Variants in RASA3 observed in about 807,000 individuals in gnomAD.
RASA3 encodes the protein ras GTPase-activating protein 3.
A neutral mutation model predicts 110.0 loss-of-function variants in RASA3; 73 were observed. The observed-to-expected ratio is 0.66, with a 90% confidence interval of 0.55 to 0.81. The LOEUF is 0.81. RASA3 is among the 30% of genes least tolerant of loss of function. The pLI is 0.00. For synonymous variants in RASA3, 500 were observed against 451.4 expected (o/e 1.11, Z -1.37); for missense variants, 976 against 1,113.2 (o/e 0.88, Z 1.75).
intron 1 of RASA3, 68 bp from the exon 2 acceptor site, chr13:114,073,905 A>T: frequency 7.5e-7 from 1 of 1,336,304 alleles, no homozygotes; most frequent in East Asian, 2.3e-5. Flanking sequence ...CATCGCAGAC[A>T]CGTTTCCAGC....
chr13:113,982,203 C>A (rs1005218169), intron 22 of RASA3, among the ~76,000 whole-genome samples: 3 of 152,238 alleles, frequency 2.0e-5, no homozygotes, highest in Admixed American at 6.5e-5. Context: ...CCAGCCCGCC[C>A]AGCCAGAACC....
Position 114,011,318 on chromosome 13 carries a change from G to T in RASA3, c.1513-70C>A. ...ATGCTGTGACTGTCCCAGATCGAGG[G>T]GACGAAATGCAGGAGTCACCTCAGA... On this transcript the variant is annotated intron_variant, in intron 15 of 23. Transcript: ENST00000334062. This position sits in a 1 kb window ranked among gnomAD's most constrained non-coding sequence, Gnocchi z 4.8. The T allele has an allele frequency of 7.4e-7, 1 of 1,357,066 alleles. No homozygotes were observed. Among genetic ancestry groups the T allele is most frequent in the Non-Finnish European group, 1.0e-6 (1 of 959,754 alleles). 84.1% of individuals were successfully genotyped at this position (1,357,066 alleles called of 1,614,324 possible).
At chr13:114,120,492 A>G (rs2080360714) in intron 1 of RASA3, among the ~76,000 whole-genome samples, 1 of 22,886 alleles carries the variant, frequency 4.4e-5, no homozygotes, top group South Asian at 2.7e-3. Context: ...CCAGGCGTCG[A>G]TCAGGGCCCC....
intron 22 of RASA3, among the ~76,000 whole-genome samples, chr13:113,992,095 C>A (rs774042098): frequency 1.3e-5 from 2 of 152,240 alleles, no homozygotes; most frequent in Non-Finnish European, 2.9e-5. Flanking sequence ...CACGCTCACA[C>A]ATGCCTACAC....
At position 114,051,090 on chromosome 13, in the gene RASA3, C is replaced by T. The variant is rs549314236; in HGVS notation, c.277+962G>A. On this transcript the variant is annotated intron_variant, in intron 3 of 23. Transcript: ENST00000334062. Reference sequence around the variant, plus strand: ...GGACCCCGCCCACGCACAGCACCCTCGTGGCCTCGCTGGCCTCCTGCACCC... The same window carrying T: ...GGACCCCGCCCACGCACAGCACCCTTGTGGCCTCGCTGGCCTCCTGCACCC... Among the ~76,000 whole-genome samples, 4 of 152,306 alleles carry T rather than the reference C, an allele frequency of 2.6e-5. No individual in the cohort carries two copies. In the South Asian group the frequency reaches 6.2e-4, roughly 24 times the overall value.
rs1220512434 is a variant in RASA3, at chr13:114,027,467, A to C, written c.531-6T>G. On this transcript the variant is annotated splice_polypyrimidine_tract_variant and splice_region_variant and intron_variant, in intron 6 of 23. Coordinates refer to ENST00000334062, the MANE Select transcript of RASA3 (RefSeq NM_007368.4). ...TCGTCTTCTTTGCTTCTGATCTGTT[A>C]TCAAGTGAGAAAGGATTGGGATTAA... 6.2e-7 allele frequency: 1 copy of C among 1,605,108 alleles called. No homozygotes were observed. The highest frequency in any genetic ancestry group is 8.5e-7 in the Non-Finnish European group (1 of 1,171,990).
chr13:113,993,806 TAAAAAAAA>T (rs35450759), intron 21 of RASA3, among the ~76,000 whole-genome samples: 4 of 85,592 alleles, frequency 4.7e-5, no homozygotes, highest in African/African-American at 1.4e-4. Context: ...AGACTCTGCC[TAAAAAAAA>T]AAAAAAAAAA....
At position 114,029,858 on chromosome 13, in the gene RASA3, G is replaced by A. The variant is rs201595251; in HGVS notation, c.402C>T (p.Ser134=). The A allele has an allele frequency of 2.3e-5, 36 of 1,574,896 alleles. No homozygotes were observed. The East Asian group carries it at 2.6e-4, about 11-fold the overall frequency. The change falls in exon 5 of 24, where the codon AGC becomes AGT. Residue 134 remains serine (S), a synonymous_variant. Transcript: ENST00000334062. ...CGACCCCAGTGTCTGTGATGACCTC[G>A]CTCAGCCGCAGCTCCAGGTGCACTT... is the stretch of plus-strand genomic sequence containing the variant. The part of the protein sequence containing the change: ...QGKVHLELRL[S]EVITDTGVVC...
intron 20 of RASA3, among the ~76,000 whole-genome samples, chr13:113,997,524 G>A (rs945693218): frequency 1.3e-4 from 19 of 151,760 alleles, no homozygotes; most frequent in Non-Finnish European, 2.7e-4. Context: ...AAGGTCCTGG[G>A]GCAGGTGGGA....
intron 21 of RASA3, among the ~76,000 whole-genome samples, chr13:113,993,187 C>T (rs1246113859): frequency 6.6e-6 from 1 of 152,170 alleles, no homozygotes; most frequent in East Asian, 1.9e-4. Context: ...CATTCTATGT[C>T]TGCTTCTCCT....
intron 1 of RASA3, among the ~76,000 whole-genome samples, chr13:114,088,050 G>T (rs1408682958): frequency 6.6e-6 from 1 of 152,104 alleles, no homozygotes; most frequent in Non-Finnish European, 1.5e-5. Context: ...AGGATCACTT[G>T]ATCCCAGGAG....
chr13:114,049,593 T>C (rs1382632012), intron 3 of RASA3, among the ~76,000 whole-genome samples: 3 of 152,242 alleles, frequency 2.0e-5, no homozygotes, highest in Non-Finnish European at 2.9e-5. Flanking sequence ...ACGAATCAAG[T>C]CCCTGTGGAT....
At chr13:114,023,248 ACATCCCAG>A (rs2053963513) in intron 8 of RASA3, among the ~76,000 whole-genome samples, 1 of 115,764 alleles carries the variant, frequency 8.6e-6, no homozygotes, top group South Asian at 2.3e-4. Context: ...AGGCTCGGGG[ACATCCCAG>A]GCTCGGGGAA....
intron 8 of RASA3, among the ~76,000 whole-genome samples, chr13:114,022,116 T>C (rs1348766720): frequency 6.6e-6 from 1 of 152,148 alleles, no homozygotes; most frequent in Non-Finnish European, 1.5e-5. Context: ...TCAGGGGCCA[T>C]GCACACCACA....
chr13:114,081,614 G>C lies in RASA3; in HGVS notation c.56-7777C>G, dbSNP rs139948968. Among the ~76,000 whole-genome samples, 151 of 152,300 alleles carry C rather than the reference G, an allele frequency of 9.9e-4. 4 individuals carry two copies. The East Asian group carries it at 0.025, about 25-fold the overall frequency. On this transcript the variant is annotated intron_variant, in intron 1 of 23. Coordinates refer to ENST00000334062, the MANE Select transcript of RASA3 (RefSeq NM_007368.4). The stretch of plus-strand genomic sequence containing the variant: ...CTAACTGTGCTCACTCTTATAAACA[G>C]GTAATAAAATATGGGAAAGAAGGCG...
chr13:114,022,053 A>C (rs944149730), intron 8 of RASA3, among the ~76,000 whole-genome samples: 1 of 152,150 alleles, frequency 6.6e-6, no homozygotes, highest in Non-Finnish European at 1.5e-5. Flanking sequence ...CGGCGGGCAA[A>C]TGTAGAACCC....
intron 4 of RASA3, among the ~76,000 whole-genome samples, chr13:114,030,382 A>G (rs971492485): frequency 3.1e-4 from 38 of 122,644 alleles, no homozygotes; most frequent in African/African-American, 7.3e-4. Flanking sequence ...AGAGGGCAAG[A>G]CTCACACAGG....
chr13:114,065,877 A>G lies in RASA3; in HGVS notation c.173+7843T>C, dbSNP rs942194754. 6.6e-6 allele frequency among the ~76,000 whole-genome samples: 1 copy of G among 152,200 alleles called. No homozygotes were observed. The highest frequency in any genetic ancestry group is 2.4e-5 in the African/African-American group (1 of 41,436). Reference sequence around the variant, plus strand: ...TGGGGTTATTTTGAAATGTTGGCAAATAGAGCTGTGAGTCTTCAAACGGAA... The same window carrying G: ...TGGGGTTATTTTGAAATGTTGGCAAGTAGAGCTGTGAGTCTTCAAACGGAA... On this transcript the variant is annotated intron_variant, in intron 2 of 23. Transcript: ENST00000334062. This position sits in a 1 kb window ranked among gnomAD's most constrained non-coding sequence, Gnocchi z 4.1.
intron 1 of RASA3, among the ~76,000 whole-genome samples, chr13:114,076,938 G>GT (rs547143529): frequency 4.6e-4 from 70 of 152,292 alleles, no homozygotes; most frequent in South Asian, 1.5e-3. Flanking sequence ...ATTTTACTGG[G>GT]TTTTTTGTTT....
Sources: gnomAD v4.1 joint callset for allele counts (sites outside exome capture counted in the v4.1 genomes callset) on GRCh38, gnomAD v4.1.1 for gene constraint, Gnocchi (gnomAD v3.1) non-coding constraint, MANE v1.5 for transcripts, NCBI Gene and HGNC (gene_info 2026-07-23, HGNC 2026-07-21) for gene names.